MCFD2: variants seen among roughly 807,000 people sequenced by gnomAD.
MCFD2 encodes multiple coagulation factor deficiency 2, ER cargo receptor complex subunit, also known as multiple coagulation factor deficiency protein 2.
In MCFD2, 11 loss-of-function variants were observed where a neutral mutation model predicts 12.8. That is an observed-to-expected ratio of 0.86 (90% confidence interval 0.54 to 1.42). The LOEUF (loss-of-function observed/expected upper bound fraction) is 1.42, where lower values mean the gene tolerates loss of function less well. Among genes scored for constraint, MCFD2 ranks in the 40% most tolerant of loss-of-function variants. The pLI is 0.00. For synonymous variants in MCFD2, 70 were observed against 68.1 expected (o/e 1.03, Z -0.14); for missense variants, 191 against 178.6 (o/e 1.07, Z -0.40).
intron 1 of MCFD2, among the ~76,000 whole-genome samples, chr2:46,939,717 C>T (rs1013638523): frequency 1.3e-5 from 2 of 152,202 alleles, no homozygotes; most frequent in African/African-American, 4.8e-5. Context: ...AGGCGTGGGG[C>T]AAATCACAGT....
intron 1 of MCFD2, among the ~76,000 whole-genome samples, chr2:46,930,374 G>A (rs1669627444): frequency 6.8e-6 from 1 of 147,962 alleles, no homozygotes; most frequent in Admixed American, 6.8e-5. Context: ...TAAAAGATAA[G>A]CAGATTTTAT....
intron 1 of MCFD2, among the ~76,000 whole-genome samples, chr2:46,938,223 C>G (rs1572662114): frequency 1.3e-5 from 2 of 152,096 alleles, no homozygotes; most frequent in Admixed American, 1.3e-4. Context: ...GTTCAATTTC[C>G]CACTCAGCCT....
In MCFD2 at chr2:46,940,586, G is replaced by A. The variant is rs1263995976; in HGVS notation, c.-8+986C>T. The stretch of plus-strand genomic sequence containing the variant: ...AGAAATAAATAAATACCAAGGTGGT[G>A]AAACAGCCTAAAGCCTTTAAGAAAT... On this transcript the variant is annotated intron_variant, in intron 1 of 2. Transcript: ENST00000409147. The surrounding 1 kb of genome is among the most constrained non-coding windows in gnomAD (Gnocchi z 4.7). Among the ~76,000 whole-genome samples, 4 of 152,254 alleles carry A rather than the reference G, an allele frequency of 2.6e-5. No homozygotes were observed. Among genetic ancestry groups the A allele is most frequent in the Admixed American group, 2.6e-4 (4 of 15,280 alleles).
upstream of MCFD2, among the ~76,000 whole-genome samples, chr2:46,920,456 A>G (rs1256998331): frequency 6.6e-6 from 1 of 151,902 alleles, no homozygotes; most frequent in Non-Finnish European, 1.5e-5. Context: ...CAGCCTCCCA[A>G]GTTGCTGGGA....
intron 1 of MCFD2, chr2:46,912,634 G>A (rs920803238): frequency 6.6e-6 from 1 of 152,238 alleles, no homozygotes; most frequent in Non-Finnish European, 1.5e-5. Context: ...CCCTTCAGAA[G>A]GCTCCCGTCC....
upstream of MCFD2, chr2:46,917,369 G>T: frequency 1.7e-6 from 1 of 587,860 alleles, no homozygotes. Flanking sequence ...CTGAACTTTG[G>T]ATTAGTTTGA....
chr2:46,925,921 G>A (rs963219328), intron 1 of MCFD2, among the ~76,000 whole-genome samples: 1 of 152,184 alleles, frequency 6.6e-6, no homozygotes, highest in Non-Finnish European at 1.5e-5. Context: ...CACTACAACA[G>A]TGCCACCCAG....
rs1476445224 is a variant in MCFD2 at position 46,902,796 on chromosome 2, A to G, written c.*2667T>C. 2 of 152,244 alleles carry G rather than the reference A, an allele frequency of 1.3e-5. No homozygotes were observed. The highest frequency in any genetic ancestry group is 4.8e-5 in the African/African-American group (2 of 41,466). The allele number at this position is 152,244 out of a possible 1,614,324, so 9.4% of individuals were successfully genotyped here. A position where few individuals can be genotyped will look rare whatever the true frequency, so the allele number is the denominator to read the frequency against. On this transcript the variant is annotated 3_prime_UTR_variant, in exon 4 of 4. Coordinates refer to ENST00000319466, the MANE Select transcript of MCFD2 (RefSeq NM_139279.6). ...GCCAGGGGAACTTTACAGAATACTG[A>G]CCATGTTTGCCTGAAGAGATAGGAA...
upstream of MCFD2, chr2:46,916,262 C>G (rs940389091): frequency 2.6e-6 from 2 of 774,284 alleles, no homozygotes; most frequent in Non-Finnish European, 3.1e-6. Flanking sequence ...GACCACAACA[C>G]GCTGGAGCCG....
intron 1 of MCFD2, among the ~76,000 whole-genome samples, chr2:46,913,188 T>C (rs1668555650): frequency 6.6e-6 from 1 of 152,134 alleles, no homozygotes; most frequent in Non-Finnish European, 1.5e-5. Flanking sequence ...TTCTAATCAT[T>C]GGAATGCAAC....
At chr2:46,916,835 G>A (rs566264977), upstream of MCFD2, among the ~76,000 whole-genome samples, 1 of 151,648 alleles carries the variant, frequency 6.6e-6, no homozygotes, top group African/African-American at 2.4e-5. Flanking sequence ...GGGTTTCACC[G>A]TGTTGGCCAG....
rs1411720009 is a variant in MCFD2, at chr2:46,941,197, GC to G, written c.-8+374del. 1 of 148,234 alleles carries G rather than the reference GC, an allele frequency of 6.7e-6. No homozygotes were observed. The highest frequency in any genetic ancestry group is 2.0e-4 in the East Asian group (1 of 5,090). The allele number at this position is 148,234 out of a possible 1,614,324, so 9.2% of individuals were successfully genotyped here. A position where few individuals can be genotyped will look rare whatever the true frequency, so the allele number is the denominator to read the frequency against. On this transcript the variant is annotated intron_variant, in intron 1 of 2. Coordinates refer to the MCFD2 transcript ENST00000409147. This position sits in a 1 kb window ranked among gnomAD's most constrained non-coding sequence, Gnocchi z 4.2. ...GCGGCCAGGGGCGGGTCCGCAGCTG[GC>G]GGCGCCGGGGCCCGGGGCGGAGGCT...
chr2:46,924,247 AAT>A (rs1388551790), intron 1 of MCFD2, among the ~76,000 whole-genome samples: 1 of 151,796 alleles, frequency 6.6e-6, no homozygotes, highest in African/African-American at 2.4e-5. Context: ...AAAAAAAAAA[AAT>A]CTCAAAGTCC....
At chr2:46,916,145 T>C, upstream of MCFD2, 1 of 985,484 alleles carries the variant, frequency 1.0e-6, no homozygotes, top group Non-Finnish European at 1.2e-6. Context: ...GGCTCCCAAC[T>C]CCGCTCACCC....
At chr2:46,922,671 A>G (rs13432591) in intron 1 of MCFD2, among the ~76,000 whole-genome samples, 11,778 of 152,022 alleles carry the variant, frequency 0.077, 566 homozygotes, top group Middle Eastern at 0.12. Context: ...AACCACTCAG[A>G]GTTTCTCCCA....
At chr2:46,922,064 G>A (rs1406859143) in intron 1 of MCFD2, among the ~76,000 whole-genome samples, 1 of 152,222 alleles carries the variant, frequency 6.6e-6, no homozygotes, top group Non-Finnish European at 1.5e-5. Context: ...ATATTTGAGT[G>A]GAGGAAAGCT....
chr2:46,934,647 T>C (rs1446637777), intron 1 of MCFD2, among the ~76,000 whole-genome samples: 1 of 151,954 alleles, frequency 6.6e-6, no homozygotes, highest in Non-Finnish European at 1.5e-5. Context: ...CCCTCATAGG[T>C]TGCAGTAAGC....
At chr2:46,938,966 G>T (rs186084721) in intron 1 of MCFD2, among the ~76,000 whole-genome samples, 1 of 150,508 alleles carries the variant, frequency 6.6e-6, no homozygotes, top group Non-Finnish European at 1.5e-5. Context: ...AGCTGAGATC[G>T]TGCCACTGCA....
At chr2:46,918,823 C>T (rs919224342), upstream of MCFD2, among the ~76,000 whole-genome samples, 1 of 152,168 alleles carries the variant, frequency 6.6e-6, no homozygotes, top group African/African-American at 2.4e-5. Flanking sequence ...AGAAGGGCAA[C>T]TCTACGTTGG....
Sources: allele counts gnomAD v4.1 joint callset (sites outside exome capture counted in the v4.1 genomes callset), GRCh38; gene constraint gnomAD v4.1.1; non-coding constraint Gnocchi (gnomAD v3.1); transcripts MANE v1.5; gene names NCBI Gene and HGNC (gene_info 2026-07-23, HGNC 2026-07-21).